The following MRM3 variants were observed in gnomAD, a reference collection of about 807,000 sequenced individuals.
MRM3 encodes rRNA methyltransferase 3, mitochondrial.
MRM3 carries 26 observed loss-of-function variants against 29.4 expected under a neutral mutation model. The observed-to-expected ratio is 0.89, with a 90% confidence interval of 0.65 to 1.23. MRM3 has a LOEUF of 1.23. MRM3 is among the 50% of genes most tolerant of loss of function. The pLI, the probability that MRM3 is intolerant of heterozygous loss-of-function variation, is 0.00. For missense variants in MRM3, 578 were observed against 540.2 expected, an observed-to-expected ratio of 1.07 and a Z score of -0.69; for synonymous variants, 225 against 219.0, an observed-to-expected ratio of 1.03 and a Z score of -0.24.
chr17:791,300 G>A (rs573690280), intron 3 of MRM3, among the ~76,000 whole-genome samples: 3 of 152,258 alleles, frequency 2.0e-5, no homozygotes, highest in Non-Finnish European at 2.9e-5. Flanking sequence ...TGTCTGGCAC[G>A]TGTGAATGGG....
At chr17:783,764 T>C (rs747544455) in intron 2 of MRM3, among the ~76,000 whole-genome samples, 1 of 152,236 alleles carries the variant, frequency 6.6e-6, no homozygotes, top group African/African-American at 2.4e-5. Flanking sequence ...CTGTGTATCT[T>C]AGAGTATTTT....
chr17:786,772 G>A (rs1248091995), intron 2 of MRM3, among the ~76,000 whole-genome samples: 2 of 152,182 alleles, frequency 1.3e-5, no homozygotes, highest in African/African-American at 4.8e-5. Context: ...AACGTTAATA[G>A]TGCACGCACA....
chr17:790,970 G>C (rs1294728049), intron 3 of MRM3, among the ~76,000 whole-genome samples: 1,010 of 96,924 alleles, frequency 0.01, no homozygotes, highest in Middle Eastern at 0.059. Context: ...CACCCCCACC[G>C]GCTGATTGGC....
At position 791,654 on chromosome 17, in the gene MRM3, G is replaced by C; in HGVS notation, c.848G>C (p.Arg283Pro). 1.2e-6 allele frequency: 2 copies of C among 1,614,212 alleles called. No individual in the cohort carries two copies. The highest frequency in any genetic ancestry group is 1.7e-6 in the Non-Finnish European group (2 of 1,180,046). The change falls in exon 4 of 4, where the codon CGG (arginine) becomes CCG (proline). Residue 283 changes from arginine (R) to proline (P), a missense_variant. Arg to Pro is a moderately radical substitution (Grantham distance 103). Coordinates refer to ENST00000304478, the MANE Select transcript of MRM3 (RefSeq NM_018146.4). ...CCCAATTACCTGCCCCCTGACACTC[G>C]GGTCTATGTGGCTGACAACTGTGGC... ...TVPNYLPPDT[R>P]VYVADNCGLY...
rs920838498 is a variant in MRM3 at position 787,561 on chromosome 17, C to G, written c.560-404C>G. Reference sequence around the variant, plus strand: ...CGTGGTTTTTTTTTTCCTTTTTTTTCTTTTTGAGAGGGAGTCTCACTGTGT... The same window carrying G: ...CGTGGTTTTTTTTTTCCTTTTTTTTGTTTTTGAGAGGGAGTCTCACTGTGT... On this transcript the variant is annotated intron_variant, in intron 2 of 3. Transcript: ENST00000304478. The surrounding 1 kb of genome is among the most constrained non-coding windows in gnomAD (Gnocchi z 4.1). 2.0e-5 allele frequency among the ~76,000 whole-genome samples: 3 copies of G among 148,040 alleles called. No individual in the cohort carries two copies. The highest frequency in any genetic ancestry group is 4.5e-5 in the Non-Finnish European group (3 of 66,886).
rs941256504 is a variant in MRM3, at chr17:792,220, C to G, written c.*151C>G. 2 of 745,544 alleles carry G rather than the reference C, an allele frequency of 2.7e-6. No homozygotes were observed. The highest frequency in any genetic ancestry group is 4.2e-6 in the Non-Finnish European group (2 of 475,762). 46.2% of individuals were successfully genotyped at this position (745,544 alleles called of 1,614,324 possible). On this transcript the variant is annotated 3_prime_UTR_variant, in exon 4 of 4. Transcript: ENST00000304478. Reference sequence around the variant, plus strand: ...CAGTTACAGGAAAAATAAGAACTTCCTCAGAAAGAACAGGTCCGAATTCTT... The same window carrying G: ...CAGTTACAGGAAAAATAAGAACTTCGTCAGAAAGAACAGGTCCGAATTCTT...
chr17:783,267 A>G lies in MRM3; in HGVS notation c.499A>G (p.Lys167Glu). Reference sequence around the variant, plus strand: ...TAAGCTGAAAGGTGTCAGCCTCATTAAGGTGAAATTTGAGGATATCAAGGA... The same window carrying G: ...TAAGCTGAAAGGTGTCAGCCTCATTGAGGTGAAATTTGAGGATATCAAGGA... Reference protein sequence around the residue: ...VDKLKGVSLIKVKFEDIKDWS... With the variant: ...VDKLKGVSLIEVKFEDIKDWS... The change falls in exon 2 of 4, where the codon AAG becomes GAG. Residue 167 changes from lysine (K) to glutamate (E), a missense_variant. Coordinates refer to ENST00000304478, the MANE Select transcript of MRM3 (RefSeq NM_018146.4). 1 of 1,614,092 alleles carries G rather than the reference A, an allele frequency of 6.2e-7. No individual in the cohort carries two copies.
chr17:783,349 C>CTT (rs35144249), intron 2 of MRM3, 22 bp downstream of exon 2: 67,619 of 1,273,182 alleles, frequency 0.053, 76 homozygotes, highest in African/African-American at 0.078. Context: ...CCCAGTGTAT[C>CTT]TTTTTTTTTT....
In MRM3 at chr17:789,275, A is replaced by T. The variant is rs139910659; in HGVS notation, c.727+1143A>T. Among the ~76,000 whole-genome samples the T allele has an allele frequency of 1.4e-4, 21 of 152,286 alleles. No individual in the cohort carries two copies. The East Asian group carries it at 4.1e-3, about 29-fold the overall frequency. On this transcript the variant is annotated intron_variant, in intron 3 of 3. Coordinates refer to ENST00000304478, the MANE Select transcript of MRM3 (RefSeq NM_018146.4). ...GAGTTCCCAAATTGCTGAGTATATG[A>T]GCCACTCCTGAGTCTTGACTTCTGA...
intron 2 of MRM3, among the ~76,000 whole-genome samples, chr17:784,179 TA>T (rs1910422921): frequency 2.0e-5 from 3 of 152,216 alleles, no homozygotes; most frequent in South Asian, 4.1e-4. Context: ...AAGTTTTTCA[TA>T]CGTTTTTGAC....
At chr17:789,084 C>G (rs773686542) in intron 3 of MRM3, among the ~76,000 whole-genome samples, 5 of 152,178 alleles carry the variant, frequency 3.3e-5, no homozygotes, top group Non-Finnish European at 5.9e-5. Context: ...CTCGGCCTGT[C>G]AAAGTGCTGA....
chr17:791,853 G>A lies in MRM3; in HGVS notation c.1047G>A (p.Ala349=), dbSNP rs1910841117. 3.1e-6 allele frequency: 5 copies of A among 1,614,098 alleles called. No individual in the cohort carries two copies. Among genetic ancestry groups the A allele is most frequent in the African/African-American group, 1.3e-5 (1 of 75,050 alleles). ...GTTACGACTCGGACTGGACAGAGGC[G>A]CCGGCAGCTGTGGTGATTGGCGGGG... ...VQSYDSDWTE[A]PAAVVIGGET... The change falls in exon 4 of 4, where the codon GCG becomes GCA. Residue 349 remains alanine, a synonymous_variant. Coordinates refer to ENST00000304478, the MANE Select transcript of MRM3 (RefSeq NM_018146.4).
chr17:785,312 ATTG>A (rs754321517), intron 2 of MRM3, among the ~76,000 whole-genome samples: 3 of 152,278 alleles, frequency 2.0e-5, no homozygotes, highest in East Asian at 1.9e-4. Flanking sequence ...CATTTTTAAT[ATTG>A]TTATTAGCCT....
chr17:788,071 C>G lies in MRM3; in HGVS notation c.666C>G (p.Asn222Lys), dbSNP rs751259443. 1.5e-5 allele frequency: 24 copies of G among 1,614,038 alleles called. No individual in the cohort carries two copies. Among genetic ancestry groups the G allele is most frequent in the Non-Finnish European group, 2.0e-5 (24 of 1,180,036 alleles). ...LICDNLRDPG[N>K]LGTILRSAAG... The stretch of plus-strand genomic sequence containing the variant: ...GTGACAATCTCCGTGACCCTGGGAA[C>G]CTGGGGACAATTCTGAGATCTGCAG... The change falls in exon 3 of 4, where the codon AAC (asparagine) becomes AAG (lysine). Residue 222 changes from asparagine (N) to lysine (K), a missense_variant. Transcript: ENST00000304478.
At chr17:783,398 G>A (rs148690836) in intron 2 of MRM3, 71 bp downstream of exon 2, 25,557 of 1,443,910 alleles carry the variant, frequency 0.018, 327 homozygotes, top group East Asian at 0.07. Context: ...GTGCAATGGC[G>A]CGATCTCGGC....
chr17:790,339 T>C (rs1476880803), intron 3 of MRM3: 1 of 153,204 alleles, frequency 6.5e-6, no homozygotes, highest in African/African-American at 2.4e-5. Flanking sequence ...TGAAGCCCAA[T>C]GGGTCTTGAT....
rs544073499 is a variant in MRM3 at position 789,111 on chromosome 17, C to T, written c.727+979C>T. Among the ~76,000 whole-genome samples the T allele has an allele frequency of 2.3e-4, 35 of 152,248 alleles. 1 individual carries two copies. The South Asian group carries it at 6.6e-3, about 29-fold the overall frequency. On this transcript the variant is annotated intron_variant, in intron 3 of 3. Coordinates refer to ENST00000304478, the MANE Select transcript of MRM3 (RefSeq NM_018146.4). ...AAGTGCTGAGATTATAGGCATTAGC[C>T]GCCATACCCAGCCATGTTTATTATC...
chr17:785,153 G>C lies in MRM3; in HGVS notation c.559+1826G>C, dbSNP rs184433295. On this transcript the variant is annotated intron_variant, in intron 2 of 3. Coordinates refer to ENST00000304478, the MANE Select transcript of MRM3 (RefSeq NM_018146.4). ...AATTATACATAAAGAGTTTAGGGTAGTGCTTGGCTTAAAAAAAAAAGCTTA... is the reference window on the plus strand; with the variant it reads ...AATTATACATAAAGAGTTTAGGGTACTGCTTGGCTTAAAAAAAAAAGCTTA... 2.4e-3 allele frequency among the ~76,000 whole-genome samples: 361 copies of C among 151,830 alleles called. 1 individual carries two copies. The highest frequency in any genetic ancestry group is 7.9e-3 in the African/African-American group (325 of 41,306).
chr17:785,349 A>G (rs1311406585), intron 2 of MRM3, among the ~76,000 whole-genome samples: 3 of 152,124 alleles, frequency 2.0e-5, no homozygotes, highest in Non-Finnish European at 1.5e-5. Flanking sequence ...CTCTTTTCCC[A>G]TAAATTCTTT....
Sources: gnomAD v4.1 joint callset for allele counts (sites outside exome capture counted in the v4.1 genomes callset) on GRCh38, gnomAD v4.1.1 for gene constraint, Gnocchi (gnomAD v3.1) non-coding constraint, MANE v1.5 for transcripts, NCBI Gene and HGNC (gene_info 2026-07-23, HGNC 2026-07-21) for gene names.